Variants in FXR1 observed in about 807,000 individuals in gnomAD.
The protein encoded by FXR1 is FMR1 autosomal homolog 1.
In FXR1, 15 loss-of-function variants were observed where a neutral mutation model predicts 84.0. The observed-to-expected ratio is 0.18, with a 90% CI of 0.12 to 0.27. The LOEUF (loss-of-function observed/expected upper bound fraction) is 0.27, where lower values mean the gene tolerates loss of function less well. Among genes scored for constraint, FXR1 ranks in the 10% least tolerant of loss-of-function variants. The pLI is 1.00. For missense variants in FXR1, 480 were observed against 774.4 expected (o/e 0.62, Z 4.51); for synonymous variants, 245 against 250.7 (o/e 0.98, Z 0.21).
rs377201428 is a variant in FXR1, at chr3:180,976,793, T to C, written c.*501T>C. On this transcript the variant is annotated 3_prime_UTR_variant, in exon 17 of 17. Coordinates refer to ENST00000357559, the MANE Select transcript of FXR1 (RefSeq NM_005087.4). ...TTTAATGTGTTTTTTAAATGCTGTA[T>C]GTAGAGGAAAATCTGCAGACCACTG... 6.5e-6 allele frequency: 1 copy of C among 152,672 alleles called. No homozygotes were observed. The highest frequency in any genetic ancestry group is 1.5e-5 in the Non-Finnish European group (1 of 68,070). 9.5% of individuals were successfully genotyped at this position (152,672 alleles called of 1,614,324 possible).
At chr3:180,919,282 A>AT (rs1718270824) in intron 1 of FXR1, among the ~76,000 whole-genome samples, 4 of 133,074 alleles carry the variant, frequency 3.0e-5, no homozygotes, top group East Asian at 2.2e-4. Context: ...TTTTTTTTTT[A>AT]TTTTTGTTTT....
intron 3 of FXR1, among the ~76,000 whole-genome samples, chr3:180,946,925 G>A (rs904745269): frequency 7.9e-5 from 12 of 152,076 alleles, no homozygotes; most frequent in South Asian, 2.1e-4. Flanking sequence ...AATATAATAC[G>A]TTAAAGAAGC....
Position 180,947,914 on chromosome 3 carries a change from A to C in FXR1, c.248A>C (p.Lys83Thr). The C allele has an allele frequency of 6.2e-7, 1 of 1,607,000 alleles. No homozygotes were observed. The highest frequency in any genetic ancestry group is 8.5e-7 in the Non-Finnish European group (1 of 1,174,282). ...DQEPCGWWLAKVRMMKGEFYV... is the reference protein window; with the variant it reads ...DQEPCGWWLATVRMMKGEFYV... ...GAGCCATGTGGGTGGTGGTTGGCTA[A>C]AGTTCGGATGATGAAAGGAGAAGTA... Residue 83 changes from lysine to threonine, a missense_variant, in exon 4 of 17, where the codon AAA becomes ACA. Lys to Thr is a moderately conservative substitution (Grantham distance 78, BLOSUM62 -1). Around this residue, in one of 6 missense-constraint regions of FXR1, gnomAD observed 136 missense variants for 315.4 expected, o/e 0.43. Coordinates refer to ENST00000357559, the MANE Select transcript of FXR1 (RefSeq NM_005087.4).
At chr3:180,923,808 C>G (rs541186143) in intron 1 of FXR1, among the ~76,000 whole-genome samples, 45 of 151,938 alleles carry the variant, frequency 3.0e-4, no homozygotes, top group Middle Eastern at 6.8e-3. Context: ...GCTGGCTGGC[C>G]TCGAACTACT....
intron 3 of FXR1, among the ~76,000 whole-genome samples, chr3:180,944,516 G>A (rs924951113): frequency 1.3e-5 from 2 of 151,730 alleles, no homozygotes; most frequent in African/African-American, 2.4e-5. Flanking sequence ...TTATAGAGAC[G>A]AAATCTTCCT....
intron 3 of FXR1, among the ~76,000 whole-genome samples, chr3:180,945,120 T>C (rs1050515290): frequency 2.0e-5 from 3 of 152,254 alleles, no homozygotes; most frequent in African/African-American, 7.2e-5. Flanking sequence ...TAATAAATTC[T>C]AGCTTATTCT....
chr3:180,970,423 A>ATATATATATATAG (rs1713423214), intron 15 of FXR1, 65 bp downstream of exon 15: 1 of 200,450 alleles, frequency 5.0e-6, no homozygotes, highest in Non-Finnish European at 8.6e-6. Flanking sequence ...TATATATATA[A>ATATATATATATAG]TTGTAAACTA....
intron 1 of FXR1, among the ~76,000 whole-genome samples, chr3:180,923,816 A>G (rs180876497): frequency 6.1e-4 from 93 of 151,870 alleles, no homozygotes; most frequent in African/African-American, 1.9e-3. Flanking sequence ...GCCTCGAACT[A>G]CTAGGCTCAA....
chr3:180,925,144 C>T (rs1266539560), intron 1 of FXR1, among the ~76,000 whole-genome samples: 2 of 151,852 alleles, frequency 1.3e-5, no homozygotes, highest in Admixed American at 1.3e-4. Flanking sequence ...GGGTGGATCA[C>T]GAGGTCAGGA....
At position 180,980,834 on chromosome 3, in the gene FXR1, A is replaced by G. The variant is rs1714575796; in HGVS notation, c.*4542A>G. On this transcript the variant is annotated 3_prime_UTR_variant, in exon 17 of 17. Transcript: ENST00000357559. Reference sequence around the variant, plus strand: ...GTACAGCAGTCCAAAAACTAAAACCAGAGCTTAGGTCATTCAAGTTAACTG... The same window carrying G: ...GTACAGCAGTCCAAAAACTAAAACCGGAGCTTAGGTCATTCAAGTTAACTG... The G allele has an allele frequency of 6.6e-6, 1 of 152,048 alleles. No individual in the cohort carries two copies. The highest frequency in any genetic ancestry group is 1.5e-5 in the Non-Finnish European group (1 of 67,924). The allele number at this position is 152,048 out of a possible 1,614,324, so 9.4% of individuals were successfully genotyped here.
chr3:180,973,484 C>A (rs1713837719), intron 15 of FXR1, among the ~76,000 whole-genome samples: 1 of 152,208 alleles, frequency 6.6e-6, no homozygotes, highest in Non-Finnish European at 1.5e-5. Context: ...AACTTGGAAA[C>A]AGTGCATTCA....
chr3:180,967,150 A>C (rs1712936659), intron 13 of FXR1, among the ~76,000 whole-genome samples: 1 of 152,222 alleles, frequency 6.6e-6, no homozygotes, highest in Admixed American at 6.5e-5. Flanking sequence ...TGCAAATATT[A>C]GGTTGGTGCA....
intron 3 of FXR1, among the ~76,000 whole-genome samples, chr3:180,938,151 T>C (rs900150541): frequency 2.6e-5 from 4 of 152,212 alleles, no homozygotes; most frequent in Non-Finnish European, 5.9e-5. Flanking sequence ...TTTTTTGCTG[T>C]TAGCAAAAGA....
At chr3:180,950,912 T>G (rs534514277) in intron 7 of FXR1, among the ~76,000 whole-genome samples, 1 of 152,216 alleles carries the variant, frequency 6.6e-6, no homozygotes, top group South Asian at 2.1e-4. Context: ...GAACATGGAT[T>G]TGCAATAAAA....
chr3:180,921,606 T>G (rs904173995), intron 1 of FXR1, among the ~76,000 whole-genome samples: 1 of 152,162 alleles, frequency 6.6e-6, no homozygotes, highest in African/African-American at 2.4e-5. Flanking sequence ...ACAACTTAGA[T>G]CTTTTAGTTG....
At chr3:180,926,056 T>C (rs1719139661) in intron 1 of FXR1, among the ~76,000 whole-genome samples, 1 of 152,204 alleles carries the variant, frequency 6.6e-6, no homozygotes, top group Non-Finnish European at 1.5e-5. Context: ...GTAAGTACTT[T>C]ACCACAAGTT....
chr3:180,977,718 C>T lies in FXR1; in HGVS notation c.*1426C>T, dbSNP rs1714367562. 6.6e-6 allele frequency: 1 copy of T among 152,024 alleles called. No homozygotes were observed. The highest frequency in any genetic ancestry group is 2.1e-4 in the South Asian group (1 of 4,836). The allele number at this position is 152,024 out of a possible 1,614,324, so 9.4% of individuals were successfully genotyped here. On this transcript the variant is annotated 3_prime_UTR_variant, in exon 17 of 17. Transcript: ENST00000357559. ...GGACCACTGAACAAGAATGACAGCC[C>T]TTTGTTATCACTTGGCATATGAAAA...
In FXR1 at chr3:180,968,195, G is replaced by T; in HGVS notation, c.1343G>T (p.Ser448Ile). The T allele has an allele frequency of 6.2e-7, 1 of 1,614,042 alleles. No individual in the cohort carries two copies. Among genetic ancestry groups the T allele is most frequent in the East Asian group, 2.2e-5 (1 of 44,866 alleles). ...AGACGCCCAGGAGGAAGAGGCAGAA[G>T]TGTTTCAGGGGGTCGAGGTCGTGGT... ...SRRRPGGRGRSVSGGRGRGGP... is the reference protein window; with the variant it reads ...SRRRPGGRGRIVSGGRGRGGP... The change falls in exon 14 of 17, where the codon AGT becomes ATT. Residue 448 changes from serine (S) to isoleucine (I), a missense_variant. By Grantham distance (142) the Ser-to-Ile change is moderately radical. This residue lies in a region of FXR1 where 157 missense variants were observed against 227.8 expected (regional missense o/e 0.69). Coordinates refer to ENST00000357559, the MANE Select transcript of FXR1 (RefSeq NM_005087.4).
chr3:180,944,210 G>A (rs1443821084), intron 3 of FXR1, among the ~76,000 whole-genome samples: 1 of 151,794 alleles, frequency 6.6e-6, no homozygotes, highest in African/African-American at 2.4e-5. Context: ...ACCGCGCCCG[G>A]CCTAGAATAT....
Sources: gnomAD v4.1 joint callset for allele counts (sites outside exome capture counted in the v4.1 genomes callset) on GRCh38, gnomAD v4.1.1 for gene constraint, gnomAD v4.1.1 regional missense constraint, MANE v1.5 for transcripts, NCBI Gene and HGNC (gene_info 2026-07-23, HGNC 2026-07-21) for gene names.